The following LURAP1L variants were observed in gnomAD, a reference collection of about 807,000 sequenced individuals.
LURAP1L encodes leucine rich adaptor protein 1-like.
Under a neutral mutation model 13.8 loss-of-function variants are expected in LURAP1L, and 12 were observed. The ratio of observed to expected loss-of-function variants is 0.87; its 90% confidence interval spans 0.56 to 1.41. LURAP1L has a LOEUF of 1.41. LURAP1L is among the 40% of genes most tolerant of loss of function. The pLI, the probability that LURAP1L is intolerant of heterozygous loss-of-function variation, is 0.00. For missense variants in LURAP1L, 375 were observed against 292.9 expected, an observed-to-expected ratio of 1.28 and a Z score of -2.04; for synonymous variants, 139 against 119.2, an observed-to-expected ratio of 1.17 and a Z score of -1.08.
rs1279935483 is a variant in LURAP1L at position 12,821,578 on chromosome 9, G to T, written c.505G>T (p.Asp169Tyr). ...SLRGSYNSLH[D>Y]GSDGLDGISV... ...ACGTGGCAGCTACAACAGCCTACAC[G>T]ATGGCAGTGATGGGCTGGATGGCAT... Residue 169 changes from aspartate (D) to tyrosine (Y), a missense_variant, in exon 2 of 2, where the codon GAT (aspartate) becomes TAT (tyrosine). By Grantham distance (160) the Asp-to-Tyr change is radical (BLOSUM62 -3). Coordinates refer to ENST00000319264, the MANE Select transcript of LURAP1L (RefSeq NM_203403.2). 1 of 1,614,044 alleles carries T rather than the reference G, an allele frequency of 6.2e-7. No individual in the cohort carries two copies. Among genetic ancestry groups the T allele is most frequent in the Non-Finnish European group, 8.5e-7 (1 of 1,180,046 alleles).
chr9:12,776,695 C>A (rs981190424), intron 1 of LURAP1L, among the ~76,000 whole-genome samples: 1 of 152,042 alleles, frequency 6.6e-6, no homozygotes, highest in Non-Finnish European at 1.5e-5. Flanking sequence ...AGCAGGTGAT[C>A]CCCAGGCCCA....
At chr9:12,791,036 AGTATAG>A (rs1563890210) in intron 1 of LURAP1L, among the ~76,000 whole-genome samples, 1 of 152,104 alleles carries the variant, frequency 6.6e-6, no homozygotes, top group Non-Finnish European at 1.5e-5. Context: ...CACAGCCCTC[AGTATAG>A]ACTTGGCAAC....
intron 1 of LURAP1L, among the ~76,000 whole-genome samples, chr9:12,799,152 C>G (rs925807695): frequency 6.6e-6 from 1 of 152,158 alleles, no homozygotes; most frequent in Non-Finnish European, 1.5e-5. Context: ...CCATTTCTAG[C>G]ACTAAGTGGT....
At position 12,775,610 on chromosome 9, in the gene LURAP1L, G is replaced by A. The variant is rs1285869976; in HGVS notation, c.-106G>A. 6.8e-7 allele frequency: 1 copy of A among 1,461,408 alleles called. No individual in the cohort carries two copies. The highest frequency in any genetic ancestry group is 1.4e-5 in the African/African-American group (1 of 70,522). 90.5% of individuals were successfully genotyped at this position (1,461,408 alleles called of 1,614,324 possible). ...GTACACCGGAGCGGCGGAGGATAGA[G>A]ACCCTGGCCCCCGGAGAGGTCTGCT... is the stretch of plus-strand genomic sequence containing the variant. On this transcript the variant is annotated 5_prime_UTR_variant, in exon 1 of 2. Transcript: ENST00000319264.
intron 1 of LURAP1L, among the ~76,000 whole-genome samples, chr9:12,813,815 TAA>T (rs1171676169): frequency 2.0e-5 from 3 of 152,212 alleles, no homozygotes; most frequent in Admixed American, 1.3e-4. Context: ...AAAAATAATT[TAA>T]CAGTGGATCA....
intron 1 of LURAP1L, among the ~76,000 whole-genome samples, chr9:12,786,566 A>ATATATATATG (rs1819356475): frequency 1.6e-5 from 2 of 123,312 alleles, no homozygotes; most frequent in African/African-American, 5.8e-5. Context: ...ATATATATAT[A>ATATATATATG]TATATATATA....
chr9:12,775,642 G>T lies in LURAP1L; in HGVS notation c.-74G>T. 2 of 1,507,960 alleles carry T rather than the reference G, an allele frequency of 1.3e-6. No homozygotes were observed. The highest frequency in any genetic ancestry group is 2.7e-5 in the South Asian group (2 of 73,228). 93.4% of individuals were successfully genotyped at this position (1,507,960 alleles called of 1,614,324 possible). On this transcript the variant is annotated 5_prime_UTR_variant, in exon 1 of 2. Coordinates refer to ENST00000319264, the MANE Select transcript of LURAP1L (RefSeq NM_203403.2). The stretch of plus-strand genomic sequence containing the variant: ...GCCCCCGGAGAGGTCTGCTGATTTC[G>T]CAGCAGCCTTCGAAGCCGTGGCTGC...
chr9:12,799,960 G>A (rs543221941), intron 1 of LURAP1L, among the ~76,000 whole-genome samples: 2 of 151,790 alleles, frequency 1.3e-5, no homozygotes, highest in African/African-American at 4.8e-5. Context: ...ATAGGGAAAT[G>A]GTTACTGGTT....
At chr9:12,820,503 C>CAG (rs796821124) in intron 1 of LURAP1L, among the ~76,000 whole-genome samples, 2 of 53,060 alleles carry the variant, frequency 3.8e-5, no homozygotes, top group African/African-American at 1.4e-4. Flanking sequence ...ACTCCGTCCC[C>CAG]CCCCCCCCCC....
At chr9:12,805,993 C>G (rs533589750) in intron 1 of LURAP1L, among the ~76,000 whole-genome samples, 8 of 152,320 alleles carry the variant, frequency 5.3e-5, no homozygotes, top group African/African-American at 1.7e-4. Context: ...GAAGACAAAT[C>G]TGACAGTCCG....
intron 1 of LURAP1L, among the ~76,000 whole-genome samples, chr9:12,786,581 T>TATATATATATATATATATAAC (rs61134838): frequency 7.4e-5 from 9 of 121,442 alleles, no homozygotes; most frequent in East Asian, 2.8e-4. Flanking sequence ...TATATATATA[T>TATATATATATATATATATAAC]AAACCCTTGT....
chr9:12,807,094 A>AATATATATATATATATATAT lies in LURAP1L; in HGVS notation c.313-14287_313-14268dup, dbSNP rs71329889. 1.6e-3 allele frequency among the ~76,000 whole-genome samples: 181 copies of AATATATATATATATATATAT among 116,100 alleles called. 1 individual carries two copies. The highest frequency in any genetic ancestry group is 2.2e-3 in the Non-Finnish European group (126 of 56,988). 76.2% of individuals were successfully genotyped at this position (116,100 alleles called of 152,430 possible). A position where few individuals can be genotyped will look rare whatever the true frequency, so the allele number is the denominator to read the frequency against. On this transcript the variant is annotated intron_variant, in intron 1 of 1. Coordinates refer to ENST00000319264, the MANE Select transcript of LURAP1L (RefSeq NM_203403.2). The stretch of plus-strand genomic sequence containing the variant: ...CACGGCGAAGCCCTGTCTCTACTAA[A>AATATATATATATATATATAT]ATATATATATATATATATATATATT...
chr9:12,813,842 C>T (rs1007998728), intron 1 of LURAP1L, among the ~76,000 whole-genome samples: 1 of 152,066 alleles, frequency 6.6e-6, no homozygotes, highest in African/African-American at 2.4e-5. Flanking sequence ...TCAGGTGTAA[C>T]AATAACAATT....
chr9:12,808,230 T>C (rs781119216), intron 1 of LURAP1L, among the ~76,000 whole-genome samples: 1 of 152,138 alleles, frequency 6.6e-6, no homozygotes, highest in Non-Finnish European at 1.5e-5. Context: ...TGAAGAACTT[T>C]TTAAAATATT....
intron 1 of LURAP1L, among the ~76,000 whole-genome samples, chr9:12,784,855 G>A (rs1448215628): frequency 1.3e-5 from 2 of 150,896 alleles, no homozygotes; most frequent in South Asian, 4.2e-4. Flanking sequence ...GGAACTTTAG[G>A]AATCTAGAAT....
intron 1 of LURAP1L, among the ~76,000 whole-genome samples, chr9:12,816,812 G>A (rs1819809858): frequency 6.6e-6 from 1 of 152,142 alleles, no homozygotes; most frequent in South Asian, 2.1e-4. Context: ...GACATAAACT[G>A]TAAGGACCAG....
chr9:12,775,997 A>T lies in LURAP1L; in HGVS notation c.282A>T (p.Glu94Asp). The part of the protein sequence containing the change: ...GSHSSALERL[E>D]TKLHLLRQEM... ...ACTCTAGCGCCCTGGAGAGGCTAGAAACCAAGCTTCACCTCCTCAGGCAAG... is the reference window on the plus strand; with the variant it reads ...ACTCTAGCGCCCTGGAGAGGCTAGATACCAAGCTTCACCTCCTCAGGCAAG... The change falls in exon 1 of 2, where the codon GAA (glutamate) becomes GAT (aspartate). Residue 94 changes from glutamate (E) to aspartate (D), a missense_variant. By Grantham distance (45) the Glu-to-Asp change is conservative. Coordinates refer to ENST00000319264, the MANE Select transcript of LURAP1L (RefSeq NM_203403.2). 1 of 1,611,510 alleles carries T rather than the reference A, an allele frequency of 6.2e-7. No individual in the cohort carries two copies. The highest frequency in any genetic ancestry group is 8.5e-7 in the Non-Finnish European group (1 of 1,179,158).
intron 1 of LURAP1L, 133 bp from the exon 2 acceptor site, chr9:12,821,253 T>A: frequency 9.2e-7 from 1 of 1,085,958 alleles, no homozygotes; most frequent in Non-Finnish European, 1.3e-6. Flanking sequence ...AAAAAGTTCC[T>A]GACAACCAGT....
intron 1 of LURAP1L, among the ~76,000 whole-genome samples, chr9:12,821,059 T>A (rs1252334969): frequency 6.6e-6 from 1 of 152,116 alleles, no homozygotes; most frequent in Non-Finnish European, 1.5e-5. Context: ...ATTAATAAAC[T>A]TAATCTGGCC....
Sources: allele counts gnomAD v4.1 joint callset (sites outside exome capture counted in the v4.1 genomes callset), GRCh38; gene constraint gnomAD v4.1.1; transcripts MANE v1.5; gene names NCBI Gene and HGNC (gene_info 2026-07-23, HGNC 2026-07-21).